Variants in NXPE2 observed in about 807,000 individuals in gnomAD.
NXPE2 encodes the protein NXPE family member 2.
In NXPE2, 34 loss-of-function variants were observed where a neutral mutation model predicts 34.4. That is an observed-to-expected ratio of 0.99 (90% confidence interval 0.75 to 1.31). The LOEUF is 1.31. Among genes scored for constraint, NXPE2 ranks in the 40% most tolerant of loss-of-function variants. NXPE2 has a pLI of 0.00. For missense variants in NXPE2, 649 were observed against 672.5 expected (o/e 0.97, Z 0.39); for synonymous variants, 235 against 231.3 (o/e 1.02, Z -0.15).
the NXPE2 span, among the ~76,000 whole-genome samples, chr11:114,548,370 C>A: frequency 6.6e-6 from 1 of 151,992 alleles, no homozygotes; most frequent in Non-Finnish European, 1.5e-5. Flanking sequence ...GAGAATATAA[C>A]TTTAGAGGAA....
the NXPE2 span, chr11:114,530,416 G>C: frequency 6.2e-7 from 1 of 1,614,208 alleles, no homozygotes; most frequent in South Asian, 1.1e-5. Context: ...TCATAGCCTT[G>C]GTTCCTTGCC....
chr11:114,633,507 C>A, the NXPE2 span, among the ~76,000 whole-genome samples: 7 of 150,524 alleles, frequency 4.7e-5, no homozygotes, highest in Non-Finnish European at 1.0e-4. Flanking sequence ...TACATGTGCA[C>A]AATGTGCAGG....
At chr11:114,661,820 TAG>T in the NXPE2 span, among the ~76,000 whole-genome samples, 13 of 152,316 alleles carry the variant, frequency 8.5e-5, no homozygotes, top group South Asian at 2.1e-4. Context: ...AGTGAAAAGA[TAG>T]ACACAGAGGT....
chr11:114,772,496 A>G, the NXPE2 span, among the ~76,000 whole-genome samples: 3 of 152,152 alleles, frequency 2.0e-5, no homozygotes, highest in African/African-American at 7.2e-5. Flanking sequence ...AATATCTTAC[A>G]TGTAATATGT....
intron 3 of NXPE2, among the ~76,000 whole-genome samples, chr11:114,703,612 T>C (rs1396963303): frequency 6.6e-6 from 1 of 152,018 alleles, no homozygotes; most frequent in Non-Finnish European, 1.5e-5. Flanking sequence ...GAGAGGGTAG[T>C]TTGTGGTAGA....
At chr11:114,643,752 G>A in the NXPE2 span, among the ~76,000 whole-genome samples, 1 of 151,860 alleles carries the variant, frequency 6.6e-6, no homozygotes, top group Non-Finnish European at 1.5e-5. Flanking sequence ...CTCTTTTTTG[G>A]TACCATATGA....
the NXPE2 span, among the ~76,000 whole-genome samples, chr11:114,548,264 C>G: frequency 6.6e-6 from 1 of 152,152 alleles, no homozygotes; most frequent in Non-Finnish European, 1.5e-5. Context: ...TTATTTATAG[C>G]ATGCCAAGTG....
the NXPE2 span, among the ~76,000 whole-genome samples, chr11:114,734,986 T>C: frequency 3.9e-5 from 6 of 152,128 alleles, no homozygotes; most frequent in Admixed American, 3.9e-4. Context: ...GGTGGGTGCC[T>C]GTAGTCCAGG....
chr11:114,647,213 G>A, the NXPE2 span, among the ~76,000 whole-genome samples: 14 of 152,164 alleles, frequency 9.2e-5, no homozygotes, highest in East Asian at 3.8e-4. Context: ...TTCTACATTC[G>A]TAGATTTGGG....
the NXPE2 span, among the ~76,000 whole-genome samples, chr11:114,722,345 C>T: frequency 6.6e-6 from 1 of 152,166 alleles, no homozygotes; most frequent in African/African-American, 2.4e-5. Flanking sequence ...ATGCCTGCTT[C>T]CCCTTCCACC....
At chr11:114,711,564 G>C (rs977126496), downstream of NXPE2, among the ~76,000 whole-genome samples, 1 of 152,048 alleles carries the variant, frequency 6.6e-6, no homozygotes, top group African/African-American at 2.4e-5. Context: ...CTTAATTAAG[G>C]AGATGAAAGA....
At chr11:114,601,324 A>G in the NXPE2 span, among the ~76,000 whole-genome samples, 1 of 149,086 alleles carries the variant, frequency 6.7e-6, no homozygotes, top group Non-Finnish European at 1.5e-5. Flanking sequence ...AATCCCACTT[A>G]TAAGTGAGAA....
At chr11:114,542,746 A>G in the NXPE2 span, among the ~76,000 whole-genome samples, 1 of 152,192 alleles carries the variant, frequency 6.6e-6, no homozygotes, top group South Asian at 2.1e-4. Context: ...ATTTACCAAG[A>G]AAAAAGTAAA....
the NXPE2 span, among the ~76,000 whole-genome samples, chr11:114,758,542 G>A: frequency 6.6e-6 from 1 of 152,146 alleles, no homozygotes; most frequent in African/African-American, 2.4e-5. Context: ...TTTTCACAAA[G>A]AGCAGAGAGC....
At chr11:114,668,941 A>C in the NXPE2 span, among the ~76,000 whole-genome samples, 1 of 152,142 alleles carries the variant, frequency 6.6e-6, no homozygotes, top group Non-Finnish European at 1.5e-5. Flanking sequence ...GATTAGAAGA[A>C]TGGAATCTCT....
At chr11:114,484,008 G>C in the NXPE2 span, among the ~76,000 whole-genome samples, 4 of 152,120 alleles carry the variant, frequency 2.6e-5, no homozygotes, top group Non-Finnish European at 5.9e-5. Flanking sequence ...TGTGTAGCTT[G>C]TGGCCTGTTT....
the NXPE2 span, among the ~76,000 whole-genome samples, chr11:114,602,106 A>C: frequency 0.67 from 65,077 of 97,238 alleles, 21,906 homozygotes; most frequent in Middle Eastern, 0.76. Context: ...ATATATTATA[A>C]TATATATAAT....
At chr11:114,525,406 A>G in the NXPE2 span, among the ~76,000 whole-genome samples, 1 of 152,056 alleles carries the variant, frequency 6.6e-6, no homozygotes, top group African/African-American at 2.4e-5. Flanking sequence ...TTCCTGTACT[A>G]GGCTGACCCA....
the NXPE2 span, among the ~76,000 whole-genome samples, chr11:114,781,133 G>T: frequency 4.6e-5 from 7 of 152,160 alleles, no homozygotes; most frequent in Admixed American, 1.3e-4. Flanking sequence ...CTGCCACATG[G>T]CTTGCCACTG....
Sources: allele counts gnomAD v4.1 joint callset (sites outside exome capture counted in the v4.1 genomes callset), GRCh38; gene constraint gnomAD v4.1.1; transcripts MANE v1.5; gene names NCBI Gene and HGNC (gene_info 2026-07-23, HGNC 2026-07-21).